Variants in IRAG1 observed in about 807,000 individuals in gnomAD.
IRAG1 encodes the protein IP3R-associated cGMP kinase substrate.
Under a neutral mutation model 106.2 loss-of-function variants are expected in IRAG1, and 62 were observed. That is an observed-to-expected ratio of 0.58 (90% CI 0.48 to 0.72). The LOEUF (loss-of-function observed/expected upper bound fraction) is 0.72, where lower values mean the gene tolerates loss of function less well. IRAG1 is among the 30% of genes least tolerant of loss of function. The pLI, the probability that IRAG1 is intolerant of heterozygous loss-of-function variation, is 0.00. For synonymous variants in IRAG1, 462 were observed against 443.9 expected (o/e 1.04, Z -0.51); for missense variants, 1,064 against 1,140.7 (o/e 0.93, Z 0.97).
At chr11:10,688,366 C>T (rs1246943339) in intron 1 of IRAG1, among the ~76,000 whole-genome samples, 2 of 152,118 alleles carry the variant, frequency 1.3e-5, no homozygotes, top group African/African-American at 4.8e-5. Context: ...GACTCAGAGC[C>T]CGGGGTTATT....
At chr11:10,616,488 A>G (rs1855440461) in intron 10 of IRAG1, among the ~76,000 whole-genome samples, 1 of 152,094 alleles carries the variant, frequency 6.6e-6, no homozygotes, top group Non-Finnish European at 1.5e-5. Context: ...ATGATTATTT[A>G]TAAAAATTGA....
intron 2 of IRAG1, among the ~76,000 whole-genome samples, chr11:10,640,909 T>C (rs968139024): frequency 6.6e-6 from 1 of 152,252 alleles, no homozygotes; most frequent in Non-Finnish European, 1.5e-5. Flanking sequence ...AGGGTAGTTA[T>C]AAGAATTAAA....
At chr11:10,620,686 C>T (rs567537533) in intron 10 of IRAG1, among the ~76,000 whole-genome samples, 24 of 152,144 alleles carry the variant, frequency 1.6e-4, no homozygotes, top group African/African-American at 4.6e-4. Flanking sequence ...AACACCAGCA[C>T]GGGTAATGCG....
intron 1 of IRAG1, among the ~76,000 whole-genome samples, chr11:10,652,699 C>T (rs1470836766): frequency 6.6e-6 from 1 of 152,170 alleles, no homozygotes; most frequent in African/African-American, 2.4e-5. Flanking sequence ...GAACCCAGAT[C>T]TTCCTGATTT....
intron 1 of IRAG1, among the ~76,000 whole-genome samples, chr11:10,654,599 T>C (rs545869588): frequency 6.6e-6 from 1 of 152,324 alleles, no homozygotes; most frequent in East Asian, 1.9e-4. Flanking sequence ...ATCTTGGCCT[T>C]CAAGGAACAT....
At chr11:10,613,272 A>AC (rs1855128397) in intron 10 of IRAG1, among the ~76,000 whole-genome samples, 1 of 152,036 alleles carries the variant, frequency 6.6e-6, no homozygotes. Flanking sequence ...AAAAAAAAAA[A>AC]AAAAAACCCA....
rs1335883781 is a variant in IRAG1 at position 10,574,834 on chromosome 11, G to T, written c.*1498C>A. 6.6e-6 allele frequency: 1 copy of T among 152,132 alleles called. No homozygotes were observed. The highest frequency in any genetic ancestry group is 1.9e-4 in the East Asian group (1 of 5,188). The allele number at this position is 152,132 out of a possible 1,614,324, so 9.4% of individuals were successfully genotyped here. A position where few individuals can be genotyped will look rare whatever the true frequency, so the allele number is the denominator to read the frequency against. ...CAGCTCTGGAGCCAGCCTACCCTGG[G>T]GTTGAGCTCCAGCCCCATGATTTAC... On this transcript the variant is annotated 3_prime_UTR_variant, in exon 21 of 21. Transcript: ENST00000423302.
chr11:10,603,117 C>T lies in IRAG1; in HGVS notation c.1875+3G>A, dbSNP rs536692462. ...GGCAAGACCGGGGGCTGGAGAGACT[C>T]ACCTGGCGGACGGCGCCTACCACCT... On this transcript the variant is annotated splice_donor_region_variant and intron_variant, in intron 14 of 20. Coordinates refer to ENST00000423302, the MANE Select transcript of IRAG1 (RefSeq NM_130385.4). 5.0e-6 allele frequency: 8 copies of T among 1,608,642 alleles called. No individual in the cohort carries two copies. Among genetic ancestry groups the T allele is most frequent in the Non-Finnish European group, 5.9e-6 (7 of 1,177,948 alleles).
At chr11:10,581,146 CA>C (rs1851346706) in intron 19 of IRAG1, among the ~76,000 whole-genome samples, 1 of 152,122 alleles carries the variant, frequency 6.6e-6, no homozygotes, top group East Asian at 1.9e-4. Context: ...TTTTCTCCCC[CA>C]GGGTCAATAT....
intron 10 of IRAG1, among the ~76,000 whole-genome samples, chr11:10,622,896 C>CACACACACACACACACACACACACACAT (rs543628217): frequency 1.4e-4 from 22 of 152,080 alleles, no homozygotes; most frequent in Non-Finnish European, 2.8e-4. Flanking sequence ...CACACACACA[C>CACACACACACACACACACACACACACAT]ACACACTCCT....
intron 1 of IRAG1, among the ~76,000 whole-genome samples, chr11:10,681,659 A>G (rs1253485439): frequency 6.6e-6 from 1 of 152,196 alleles, no homozygotes; most frequent in Non-Finnish European, 1.5e-5. Flanking sequence ...TTTGCTCAAG[A>G]GCACAACATG....
intron 2 of IRAG1, among the ~76,000 whole-genome samples, chr11:10,646,123 G>GAACTCCCTTCTGT (rs1254823377): frequency 6.6e-6 from 1 of 152,238 alleles, no homozygotes; most frequent in South Asian, 2.1e-4. Flanking sequence ...GTACCTTCTG[G>GAACTCCCTTCTGT]AACTCCCTGG....
At chr11:10,629,473 C>T in intron 5 of IRAG1, 65 bp downstream of exon 5, 2 of 1,543,528 alleles carry the variant, frequency 1.3e-6, no homozygotes, top group Non-Finnish European at 8.7e-7. Context: ...GCAGCTGGTG[C>T]CAGGCCCTTC....
intron 1 of IRAG1, among the ~76,000 whole-genome samples, chr11:10,670,603 C>A (rs946867882): frequency 6.6e-6 from 1 of 152,192 alleles, no homozygotes. Context: ...ATTGTGCCCC[C>A]CAATACTCCT....
intron 15 of IRAG1, among the ~76,000 whole-genome samples, chr11:10,596,981 T>C (rs1853387062): frequency 6.6e-6 from 1 of 152,216 alleles, no homozygotes; most frequent in South Asian, 2.1e-4. Flanking sequence ...CCTTCTACTA[T>C]TCTGGAGCAA....
rs147625016 is a variant in IRAG1 at position 10,676,277 on chromosome 11, G to C, written c.67+17259C>G. On this transcript the variant is annotated intron_variant, in intron 1 of 20. Coordinates refer to ENST00000423302, the MANE Select transcript of IRAG1 (RefSeq NM_130385.4). ...TGCGGTGGGAGCTAACGGTTTCTCC[G>C]TCAGAATGGTTGAGAGGATGGCATG... Among the ~76,000 whole-genome samples, 45 of 152,272 alleles carry C rather than the reference G, an allele frequency of 3.0e-4. 1 individual carries two copies. Among genetic ancestry groups the C allele is most frequent in the South Asian group, 2.5e-3 (12 of 4,820 alleles).
intron 1 of IRAG1, among the ~76,000 whole-genome samples, chr11:10,688,031 G>A (rs1861792214): frequency 6.6e-6 from 1 of 151,754 alleles, no homozygotes; most frequent in African/African-American, 2.4e-5. Flanking sequence ...GAGCATTTCA[G>A]ATTTTGGATT....
At chr11:10,615,710 C>G (rs1418054136) in intron 10 of IRAG1, among the ~76,000 whole-genome samples, 1 of 151,890 alleles carries the variant, frequency 6.6e-6, no homozygotes, top group South Asian at 2.1e-4. Flanking sequence ...CATGTTCTCA[C>G]TCATAGGCGG....
intron 17 of IRAG1, 36 bp from the exon 18 acceptor site, chr11:10,591,648 C>G (rs781494593): frequency 3.2e-5 from 50 of 1,545,580 alleles, no homozygotes; most frequent in Non-Finnish European, 4.3e-5. Flanking sequence ...ATTGAGGATG[C>G]GCTATGGAAG....
Sources: allele counts gnomAD v4.1 joint callset (sites outside exome capture counted in the v4.1 genomes callset), GRCh38; gene constraint gnomAD v4.1.1; transcripts MANE v1.5; gene names NCBI Gene and HGNC (gene_info 2026-07-23, HGNC 2026-07-21).